The following SUPT3H variants were observed in gnomAD, a reference collection of about 807,000 sequenced individuals.
The protein encoded by SUPT3H is SPT3 homolog, SAGA and STAGA complex component, also known as transcription initiation protein SPT3 homolog.
A neutral mutation model predicts 44.3 loss-of-function variants in SUPT3H; 44 were observed. The ratio of observed to expected loss-of-function variants is 0.99; its 90% confidence interval spans 0.78 to 1.28. The LOEUF (loss-of-function observed/expected upper bound fraction) is 1.28. SUPT3H is among the 50% of genes most tolerant of loss of function. SUPT3H has a pLI of 0.00. For missense variants in SUPT3H, 380 were observed against 387.1 expected, an observed-to-expected ratio of 0.98 and a Z score of 0.15; for synonymous variants, 124 against 125.6, an observed-to-expected ratio of 0.99 and a Z score of 0.09.
intron 3 of SUPT3H, among the ~76,000 whole-genome samples, chr6:45,049,699 A>C (rs1789974429): frequency 6.6e-6 from 1 of 152,180 alleles, no homozygotes; most frequent in Non-Finnish European, 1.5e-5. Context: ...CTTAACTCAG[A>C]AAGAAAACGA....
intron 10 of SUPT3H, among the ~76,000 whole-genome samples, chr6:44,897,548 T>C (rs1334262098): frequency 6.6e-6 from 1 of 152,178 alleles, no homozygotes; most frequent in African/African-American, 2.4e-5. Context: ...TTTTTACTGA[T>C]AATGTGATGT....
chr6:45,236,960 A>G (rs1769284478), intron 2 of SUPT3H, among the ~76,000 whole-genome samples: 1 of 152,206 alleles, frequency 6.6e-6, no homozygotes, highest in African/African-American at 2.4e-5. Context: ...GTGCAAGTAC[A>G]AACAGGAGTC....
At chr6:44,893,670 C>T (rs1207241670) in intron 10 of SUPT3H, among the ~76,000 whole-genome samples, 259 of 149,986 alleles carry the variant, frequency 1.7e-3, no homozygotes, top group African/African-American at 6.1e-3. Context: ...TGAATAATGC[C>T]GCAATAAACA....
At chr6:45,263,314 G>T (rs1235346816) in intron 2 of SUPT3H, among the ~76,000 whole-genome samples, 2 of 152,078 alleles carry the variant, frequency 1.3e-5, no homozygotes, top group African/African-American at 2.4e-5. Context: ...TAAAAAGAAC[G>T]AATTATGTCC....
intron 3 of SUPT3H, among the ~76,000 whole-genome samples, chr6:45,085,021 C>T (rs943440223): frequency 6.6e-6 from 1 of 152,034 alleles, no homozygotes; most frequent in African/African-American, 2.4e-5. Flanking sequence ...TATGCTAACA[C>T]CCTGGGGGAT....
chr6:44,950,742 AC>A (rs1214846191), intron 9 of SUPT3H, among the ~76,000 whole-genome samples: 1 of 151,234 alleles, frequency 6.6e-6, no homozygotes, highest in African/African-American at 2.4e-5. Flanking sequence ...CTGTGTATTA[AC>A]CCACATCTTG....
chr6:45,097,876 C>T (rs9357470), intron 3 of SUPT3H: 60,958 of 152,200 alleles, frequency 0.4, 12,584 homozygotes, highest in East Asian at 0.71. Context: ...TGGACAAAGA[C>T]ACTTATGAAA....
At chr6:45,374,524 C>T (rs1441539775) in intron 1 of SUPT3H, among the ~76,000 whole-genome samples, 3 of 152,176 alleles carry the variant, frequency 2.0e-5, no homozygotes, top group African/African-American at 7.2e-5. Flanking sequence ...ATATTTTACC[C>T]ACTTCAGTAT....
At chr6:44,949,322 T>C (rs1017370163) in intron 9 of SUPT3H, among the ~76,000 whole-genome samples, 5 of 151,878 alleles carry the variant, frequency 3.3e-5, no homozygotes, top group Non-Finnish European at 7.4e-5. Context: ...CACACCAACA[T>C]GGCACATGTA....
intron 2 of SUPT3H, among the ~76,000 whole-genome samples, chr6:45,106,545 T>A (rs889529841): frequency 7.3e-5 from 11 of 151,490 alleles, no homozygotes; most frequent in Admixed American, 1.3e-4. Context: ...TTATTTTTTT[T>A]ATTTTTTTTG....
intron 6 of SUPT3H, among the ~76,000 whole-genome samples, chr6:44,966,350 T>A (rs1431817008): frequency 1.3e-5 from 2 of 151,486 alleles, no homozygotes; most frequent in East Asian, 3.8e-4. Flanking sequence ...TTTTTTATTT[T>A]TAAAATGAAA....
Position 45,288,583 on chromosome 6 carries a change from GTATATATA to G in SUPT3H, c.101+76610_101+76617del, listed in dbSNP as rs1261356182. Among the ~76,000 whole-genome samples the G allele has an allele frequency of 8.5e-3, 748 of 87,532 alleles. 8 individuals are homozygous for G. Among genetic ancestry groups the G allele is most frequent in the Non-Finnish European group, 0.014 (564 of 41,452 alleles). The allele number at this position is 87,532 out of a possible 152,430, so 57.4% of individuals were successfully genotyped here. A position where few individuals can be genotyped will look rare whatever the true frequency, so the allele number is the denominator to read the frequency against. ...TATATATGTATATATATATATATAT[GTATATATA>G]TATATGTGTATATATATATATGTAT... On this transcript the variant is annotated intron_variant, in intron 2 of 10. Coordinates refer to ENST00000371459, the MANE Select transcript of SUPT3H (RefSeq NM_003599.4).
rs79716090 is a variant in SUPT3H at position 45,213,697 on chromosome 6, A to G, written c.102-107691T>C. Reference sequence around the variant, plus strand: ...TAATTAATCAATCAAATTATTAAGAACAAGGAAGCCCATTAAATGTTCGTT... The same window carrying G: ...TAATTAATCAATCAAATTATTAAGAGCAAGGAAGCCCATTAAATGTTCGTT... On this transcript the variant is annotated intron_variant, in intron 2 of 10. Coordinates refer to ENST00000371459, the MANE Select transcript of SUPT3H (RefSeq NM_003599.4). 2.0e-3 allele frequency among the ~76,000 whole-genome samples: 299 copies of G among 152,280 alleles called. 3 individuals carry two copies. The highest frequency in any genetic ancestry group is 6.9e-3 in the African/African-American group (286 of 41,584).
At chr6:44,887,835 T>C (rs1762571287) in intron 10 of SUPT3H, among the ~76,000 whole-genome samples, 1 of 151,528 alleles carries the variant, frequency 6.6e-6, no homozygotes, top group Non-Finnish European at 1.5e-5. Flanking sequence ...CAGGAGCTGG[T>C]TTTTTGAAAG....
intron 2 of SUPT3H, among the ~76,000 whole-genome samples, chr6:45,160,561 T>A (rs770998650): frequency 2.0e-5 from 3 of 151,850 alleles, no homozygotes; most frequent in Non-Finnish European, 4.4e-5. Flanking sequence ...TTTTTATATA[T>A]AAGTGAATTA....
intron 5 of SUPT3H, among the ~76,000 whole-genome samples, chr6:45,008,947 G>A (rs978485119): frequency 6.6e-6 from 1 of 151,954 alleles, no homozygotes; most frequent in African/African-American, 2.4e-5. Context: ...TACTATGTTG[G>A]CCAGGCTGGT....
intron 6 of SUPT3H, among the ~76,000 whole-genome samples, chr6:44,978,559 T>C (rs544081270): frequency 6.6e-6 from 1 of 152,142 alleles, no homozygotes; most frequent in African/African-American, 2.4e-5. Flanking sequence ...AGGGAAGAGA[T>C]AGATTTGCTA....
intron 3 of SUPT3H, among the ~76,000 whole-genome samples, chr6:45,058,293 T>C (rs1188310340): frequency 1.3e-5 from 2 of 152,092 alleles, no homozygotes; most frequent in Non-Finnish European, 2.9e-5. Context: ...AGTTTAGCAA[T>C]TGATTTCTTA....
chr6:45,081,608 T>C (rs1306020446), intron 3 of SUPT3H, among the ~76,000 whole-genome samples: 3 of 152,164 alleles, frequency 2.0e-5, no homozygotes, highest in Non-Finnish European at 2.9e-5. Context: ...GAATGAATGA[T>C]AGAGCTCCTC....
Sources: gnomAD v4.1 joint callset for allele counts (sites outside exome capture counted in the v4.1 genomes callset) on GRCh38, gnomAD v4.1.1 for gene constraint, MANE v1.5 for transcripts, NCBI Gene and HGNC (gene_info 2026-07-23, HGNC 2026-07-21) for gene names.